Variants in EPM2A observed in about 807,000 individuals in gnomAD.
EPM2A encodes laforin.
In EPM2A, 21 loss-of-function variants were observed where a neutral mutation model predicts 26.5. That is an observed-to-expected ratio of 0.79 (90% CI 0.56 to 1.14). The LOEUF (loss-of-function observed/expected upper bound fraction) is 1.14. Ranked by LOEUF, EPM2A falls within the 50% of genes most tolerant of loss-of-function variation. The pLI is 0.00. For missense variants in EPM2A, 458 were observed against 440.8 expected (o/e 1.04, Z -0.35); for synonymous variants, 217 against 177.6 (o/e 1.22, Z -1.76).
chr6:145,420,104 T>C (rs1446586930), intron 4 of EPM2A, among the ~76,000 whole-genome samples: 1 of 152,176 alleles, frequency 6.6e-6, no homozygotes, highest in East Asian at 1.9e-4. Flanking sequence ...ATAATGAATA[T>C]GCTTGATTTT....
At chr6:145,636,090 C>G (rs1269878218) in intron 2 of EPM2A, 1 of 152,148 alleles carries the variant, frequency 6.6e-6, no homozygotes, top group Non-Finnish European at 1.5e-5. Context: ...ATATAGTTTC[C>G]TTTTGGAAAT....
intron 2 of EPM2A, among the ~76,000 whole-genome samples, chr6:145,602,901 C>T (rs1334059577): frequency 3.3e-5 from 5 of 152,160 alleles, no homozygotes; most frequent in Non-Finnish European, 7.4e-5. Context: ...GAACCACCCC[C>T]GAGGTTTTGG....
At chr6:145,731,771 CAA>C (rs200177540) in intron 1 of EPM2A, among the ~76,000 whole-genome samples, 1 of 150,358 alleles carries the variant, frequency 6.7e-6, no homozygotes, top group Non-Finnish European at 1.5e-5. Context: ...TAATGAACAA[CAA>C]AAAAAAGAGA....
intron 3 of EPM2A, chr6:145,634,537 G>C (rs146062422): frequency 6.6e-6 from 1 of 152,350 alleles, no homozygotes; most frequent in Non-Finnish European, 1.5e-5. Flanking sequence ...AATTAGTGTC[G>C]AACTCGTCTT....
In EPM2A at chr6:145,501,759, T is replaced by C. The variant is rs116452083; in HGVS notation, c.*48A>G. 3.4e-3 allele frequency: 1,584 copies of C among 470,906 alleles called. 19 individuals are homozygous for C. The highest frequency in any genetic ancestry group is 0.028 in the African/African-American group (1,394 of 50,188). The allele number at this position is 470,906 out of a possible 1,614,324, so 29.2% of individuals were successfully genotyped here. ...GTGAGCTTGCACCAGTCGTCACCCA[T>C]CTGCCATCTTCTACGAGATATAATA... On this transcript the variant is annotated 3_prime_UTR_variant, in exon 4 of 4. Transcript: ENST00000450221.
intron 1 of EPM2A, among the ~76,000 whole-genome samples, chr6:145,698,320 G>A (rs1319149269): frequency 4.6e-5 from 7 of 152,198 alleles, no homozygotes; most frequent in Non-Finnish European, 1.0e-4. Flanking sequence ...AGTATGACGC[G>A]TTAGCCCTCT....
At chr6:145,612,596 AC>A (rs1301803182) in intron 2 of EPM2A, among the ~76,000 whole-genome samples, 1 of 151,652 alleles carries the variant, frequency 6.6e-6, no homozygotes, top group African/African-American at 2.4e-5. Context: ...TTGGTGCCAG[AC>A]CACTGCAATA....
chr6:145,478,919 T>C (rs893411187), intron 4 of EPM2A, among the ~76,000 whole-genome samples: 1 of 151,834 alleles, frequency 6.6e-6, no homozygotes, highest in Non-Finnish European at 1.5e-5. Context: ...GGTCAGTTTC[T>C]TTGTATGTTA....
At chr6:145,731,561 T>C (rs1776486769) in intron 1 of EPM2A, among the ~76,000 whole-genome samples, 1 of 151,816 alleles carries the variant, frequency 6.6e-6, no homozygotes, top group African/African-American at 2.4e-5. Context: ...CACTCATAAG[T>C]GGGAGTTGAA....
At chr6:145,394,813 G>T (rs750681257) in intron 4 of EPM2A, among the ~76,000 whole-genome samples, 2 of 152,044 alleles carry the variant, frequency 1.3e-5, no homozygotes, top group Non-Finnish European at 2.9e-5. Context: ...AGGGCCAATC[G>T]TTCACTAATA....
At chr6:145,620,308 C>T (rs898829476), downstream of EPM2A, among the ~76,000 whole-genome samples, 2 of 152,084 alleles carry the variant, frequency 1.3e-5, no homozygotes, top group Non-Finnish European at 2.9e-5. Context: ...GTTCACAATC[C>T]GCTGACAATC....
chr6:145,623,750 A>T (rs1392734394), downstream of EPM2A, among the ~76,000 whole-genome samples: 1 of 152,160 alleles, frequency 6.6e-6, no homozygotes, highest in East Asian at 1.9e-4. Context: ...AAACAGGGAG[A>T]CCAAGTAGAA....
chr6:145,529,174 C>G (rs998840790), intron 2 of EPM2A, among the ~76,000 whole-genome samples: 3 of 152,112 alleles, frequency 2.0e-5, no homozygotes, highest in African/African-American at 7.2e-5. Context: ...ATGCTATGAA[C>G]ATTGTTGAAA....
chr6:145,612,343 A>T (rs7768195), intron 2 of EPM2A, among the ~76,000 whole-genome samples: 10,206 of 152,252 alleles, frequency 0.067, 1,149 homozygotes, highest in African/African-American at 0.23. Flanking sequence ...TACAAAGCAG[A>T]GAAAAGAGTA....
chr6:145,490,047 G>T (rs1779734647), intron 4 of EPM2A: 2 of 1,307,692 alleles, frequency 1.5e-6, no homozygotes, highest in Non-Finnish European at 1.1e-6. Context: ...ACAGTCACTT[G>T]TGCTGAATCC....
intron 1 of EPM2A, chr6:145,705,421 C>T (rs533517441): frequency 1.9e-5 from 7 of 366,458 alleles, no homozygotes; most frequent in African/African-American, 6.4e-5. Context: ...GGCATGGTGG[C>T]GCACACACCT....
At chr6:145,428,757 T>C (rs1778884940) in intron 4 of EPM2A, among the ~76,000 whole-genome samples, 1 of 152,220 alleles carries the variant, frequency 6.6e-6, no homozygotes, top group Non-Finnish European at 1.5e-5. Flanking sequence ...CAGAAGACCT[T>C]AACATCGACA....
intron 2 of EPM2A, among the ~76,000 whole-genome samples, chr6:145,644,598 A>G (rs1278660699): frequency 6.6e-6 from 1 of 152,152 alleles, no homozygotes; most frequent in Non-Finnish European, 1.5e-5. Flanking sequence ...AAGGTTCTAG[A>G]AAGACAAAGA....
downstream of EPM2A, chr6:145,501,568 G>A (rs1349073760): frequency 3.3e-6 from 1 of 305,106 alleles, no homozygotes; most frequent in Non-Finnish European, 6.5e-6. Flanking sequence ...ACAAAGCTGA[G>A]CTTCACTCAG....
Sources: allele counts gnomAD v4.1 joint callset (sites outside exome capture counted in the v4.1 genomes callset), GRCh38; gene constraint gnomAD v4.1.1; transcripts MANE v1.5; gene names NCBI Gene and HGNC (gene_info 2026-07-23, HGNC 2026-07-21).